Variants in SH3PXD2B observed in about 807,000 individuals in gnomAD.
SH3PXD2B encodes the protein SH3 and PX domain-containing protein 2B.
Under a neutral mutation model 73.1 loss-of-function variants are expected in SH3PXD2B, and 37 were observed. The observed-to-expected ratio is 0.51, with a 90% CI of 0.39 to 0.67. The LOEUF (loss-of-function observed/expected upper bound fraction) is 0.67. Ranked by LOEUF, SH3PXD2B falls within the 30% of genes least tolerant of loss-of-function variation. SH3PXD2B has a pLI of 0.00. For missense variants in SH3PXD2B, 1,053 were observed against 1,197.8 expected (o/e 0.88, Z 1.78); for synonymous variants, 457 against 480.5 (o/e 0.95, Z 0.64).
At position 172,421,548 on chromosome 5, in the gene SH3PXD2B, A is replaced by G. The variant is rs1040953941; in HGVS notation, c.156+868T>C. On this transcript the variant is annotated intron_variant, in intron 2 of 12. Coordinates refer to ENST00000311601, the MANE Select transcript of SH3PXD2B (RefSeq NM_001017995.3). This position sits in a 1 kb window ranked among gnomAD's most constrained non-coding sequence, Gnocchi z 4.0. The stretch of plus-strand genomic sequence containing the variant: ...GGAGACAGACAAGCAGACAGCTTCA[A>G]TACAGAGAGACACACAGAGCTGTAG... 3.9e-5 allele frequency among the ~76,000 whole-genome samples: 6 copies of G among 152,178 alleles called. No individual in the cohort carries two copies. Among genetic ancestry groups the G allele is most frequent in the African/African-American group, 9.7e-5 (4 of 41,442 alleles).
chr5:172,330,920 C>T (rs555632949), downstream of SH3PXD2B, among the ~76,000 whole-genome samples: 15 of 152,326 alleles, frequency 9.8e-5, no homozygotes, highest in South Asian at 8.3e-4. Context: ...CCTGGCTGGG[C>T]GCGGTGGCTC....
At chr5:172,439,265 AAAAAC>A (rs1478810274) in intron 1 of SH3PXD2B, among the ~76,000 whole-genome samples, 3 of 60,280 alleles carry the variant, frequency 5.0e-5, no homozygotes, top group African/African-American at 2.2e-4. Flanking sequence ...AAAAAAAAAC[AAAAAC>A]AAAAACAAAA....
At chr5:172,416,484 C>A (rs573448920) in intron 2 of SH3PXD2B, among the ~76,000 whole-genome samples, 227 of 152,012 alleles carry the variant, frequency 1.5e-3, no homozygotes, top group Admixed American at 2.9e-3. Flanking sequence ...CCCACAACCA[C>A]GCCCAGCTAG....
rs2113245262 is a variant in SH3PXD2B at position 172,337,197 on chromosome 5, G to A, written c.*1172C>T. The A allele has an allele frequency of 3.0e-6, 3 of 985,550 alleles. No individual in the cohort carries two copies. The highest frequency in any genetic ancestry group is 1.7e-5 in the African/African-American group (1 of 57,380). The allele number at this position is 985,550 out of a possible 1,614,324, so 61.1% of individuals were successfully genotyped here. On this transcript the variant is annotated 3_prime_UTR_variant, in exon 13 of 13. Coordinates refer to ENST00000311601, the MANE Select transcript of SH3PXD2B (RefSeq NM_001017995.3). ...GGCAGCCTTTGGTATAGGCTGCTGT[G>A]GGCTGGAGGGATGGTGGGTGTGGGA... is the stretch of plus-strand genomic sequence containing the variant.
chr5:172,436,788 T>A (rs542232384), intron 1 of SH3PXD2B, among the ~76,000 whole-genome samples: 17 of 152,334 alleles, frequency 1.1e-4, no homozygotes, highest in African/African-American at 4.1e-4. Flanking sequence ...GCTAAAGCCG[T>A]CCTGCTCTAC....
intron 12 of SH3PXD2B, among the ~76,000 whole-genome samples, chr5:172,344,245 G>C (rs929476821): frequency 6.6e-6 from 1 of 152,094 alleles, no homozygotes; most frequent in African/African-American, 2.4e-5. Context: ...AATGAGCCAG[G>C]AAGCAAAACT....
chr5:172,443,740 G>C (rs1044404712), intron 1 of SH3PXD2B, among the ~76,000 whole-genome samples: 1 of 152,236 alleles, frequency 6.6e-6, no homozygotes, highest in African/African-American at 2.4e-5. Flanking sequence ...AAATGGTGAC[G>C]CCAACGCGTG....
downstream of SH3PXD2B, among the ~76,000 whole-genome samples, chr5:172,329,083 A>ATATTTTTT (rs58472514): frequency 1.1e-3 from 68 of 61,798 alleles, no homozygotes; most frequent in Non-Finnish European, 1.3e-3. Flanking sequence ...ATATATATAT[A>ATATTTTTT]TTTTTTTTTT....
intron 1 of SH3PXD2B, among the ~76,000 whole-genome samples, chr5:172,439,291 A>ACAAAAAAAAAACC (rs1561583595): frequency 5.1e-4 from 26 of 51,340 alleles, no homozygotes; most frequent in African/African-American, 2.2e-3. Context: ...CAAAAAAAAA[A>ACAAAAAAAAAACC]CCCCAAAAAA....
intron 12 of SH3PXD2B, among the ~76,000 whole-genome samples, chr5:172,345,872 A>T (rs1447688938): frequency 6.6e-6 from 1 of 152,138 alleles, no homozygotes; most frequent in Non-Finnish European, 1.5e-5. Flanking sequence ...GTTGAGGGGA[A>T]ATGGAGGGTG....
In SH3PXD2B at chr5:172,335,115, T is replaced by C. The variant is rs1327362286; in HGVS notation, c.*3254A>G. On this transcript the variant is annotated 3_prime_UTR_variant, in exon 13 of 13. Coordinates refer to ENST00000311601, the MANE Select transcript of SH3PXD2B (RefSeq NM_001017995.3). ...GCAGAACATGTGAGCAAAGGCCTCT[T>C]TTATCAAGAGGTGGTCTTAGACTCA... The C allele has an allele frequency of 1.0e-6, 1 of 986,092 alleles. No individual in the cohort carries two copies. Among genetic ancestry groups the C allele is most frequent in the Non-Finnish European group, 1.2e-6 (1 of 830,550 alleles). The allele number at this position is 986,092 out of a possible 1,614,324, so 61.1% of individuals were successfully genotyped here.
intron 3 of SH3PXD2B, among the ~76,000 whole-genome samples, chr5:172,404,698 A>C (rs1758512948): frequency 6.6e-6 from 1 of 152,208 alleles, no homozygotes; most frequent in Non-Finnish European, 1.5e-5. Context: ...TAAGTGCTTG[A>C]TAGCTGTTAG....
rs552696415 is a variant in SH3PXD2B, at chr5:172,346,145, C to T, written c.1179G>A (p.Leu393=). The change falls in exon 12 of 13, where the codon CTG becomes CTA. Residue 393 remains leucine (L), a synonymous_variant. Coordinates refer to ENST00000311601, the MANE Select transcript of SH3PXD2B (RefSeq NM_001017995.3). ...IPDGISFQAG[L]KVEVIEKNLS... ...CACCAGGGCCACTCACCTCGACCTT[C>T]AGGCCTGCCTGGAAGCTGATGCCGT... The T allele has an allele frequency of 3.1e-6, 5 of 1,614,134 alleles. No homozygotes were observed. In the Admixed American group the frequency reaches 6.7e-5, roughly 22 times the overall value.
At chr5:172,417,086 C>T (rs1335667649) in intron 2 of SH3PXD2B, among the ~76,000 whole-genome samples, 1 of 152,166 alleles carries the variant, frequency 6.6e-6, no homozygotes, top group Admixed American at 6.5e-5. Flanking sequence ...ACTGTTTCCT[C>T]TGCCTGAATG....
intron 2 of SH3PXD2B, among the ~76,000 whole-genome samples, chr5:172,418,616 C>T (rs1418355555): frequency 6.7e-6 from 1 of 149,866 alleles, no homozygotes; most frequent in Non-Finnish European, 1.5e-5. Flanking sequence ...CGATCCTGCC[C>T]TAACCTCTTC....
intron 6 of SH3PXD2B, among the ~76,000 whole-genome samples, chr5:172,369,175 GT>G (rs1757644379): frequency 6.6e-6 from 1 of 150,934 alleles, no homozygotes; most frequent in African/African-American, 2.4e-5. Context: ...GATTACAGGT[GT>G]AAACCACCAC....
Position 172,454,356 on chromosome 5 carries a change from C to T in SH3PXD2B, c.-4G>A, listed in dbSNP as rs1357185860. ...CGATGCTGCGCCGCGGCGGCATGGC[C>T]GCTCCTCCGCCCGCAGCGGGCCGAG... On this transcript the variant is annotated 5_prime_UTR_variant, in exon 1 of 13. Coordinates refer to ENST00000311601, the MANE Select transcript of SH3PXD2B (RefSeq NM_001017995.3). 2 of 1,505,114 alleles carry T rather than the reference C, an allele frequency of 1.3e-6. No homozygotes were observed. The highest frequency in any genetic ancestry group is 1.8e-6 in the Non-Finnish European group (2 of 1,128,332). 93.2% of individuals were successfully genotyped at this position (1,505,114 alleles called of 1,614,324 possible).
exon 13 of SH3PXD2B, chr5:172,325,327 G>A: frequency 6.5e-7 from 1 of 1,535,550 alleles, no homozygotes; most frequent in Non-Finnish European, 8.7e-7. Context: ...TCCGCATCTT[G>A]ATTCTTCTAA....
At position 172,335,871 on chromosome 5, in the gene SH3PXD2B, G is replaced by C. The variant is rs1756679039; in HGVS notation, c.*2498C>G. The C allele has an allele frequency of 8.2e-7, 1 of 1,223,248 alleles. No homozygotes were observed. The highest frequency in any genetic ancestry group is 4.3e-5 in the Admixed American group (1 of 23,422). 75.8% of individuals were successfully genotyped at this position (1,223,248 alleles called of 1,614,324 possible). On this transcript the variant is annotated 3_prime_UTR_variant, in exon 13 of 13. Coordinates refer to ENST00000311601, the MANE Select transcript of SH3PXD2B (RefSeq NM_001017995.3). ...AGATATGACTCAAGGAGAGAACAGT[G>C]AACAGAGAGGACTGTGGCTTCAGTA...
Sources: gnomAD v4.1 joint callset for allele counts (sites outside exome capture counted in the v4.1 genomes callset) on GRCh38, gnomAD v4.1.1 for gene constraint, Gnocchi (gnomAD v3.1) non-coding constraint, MANE v1.5 for transcripts, NCBI Gene and HGNC (gene_info 2026-07-23, HGNC 2026-07-21) for gene names.